GRB2: variants seen among roughly 807,000 people sequenced by gnomAD.
GRB2 encodes the protein growth factor receptor-bound protein 2.
A neutral mutation model predicts 27.4 loss-of-function variants in GRB2; 2 were observed. The ratio of observed to expected loss-of-function variants is 0.07; its 90% CI spans 0.03 to 0.23. The LOEUF (loss-of-function observed/expected upper bound fraction) is 0.23. GRB2 is among the 10% of genes least tolerant of loss of function. The probability of loss-of-function intolerance (pLI) is 1.00; values close to 1 mark genes in which losing one functional copy is unlikely to be tolerated. For synonymous variants in GRB2, 94 were observed against 99.6 expected, an observed-to-expected ratio of 0.94 and a Z score of 0.33; for missense variants, 102 against 282.4, an observed-to-expected ratio of 0.36 and a Z score of 4.58.
intron 2 of GRB2, among the ~76,000 whole-genome samples, chr17:75,348,867 G>A (rs1312924461): frequency 1.3e-5 from 2 of 152,086 alleles, no homozygotes; most frequent in East Asian, 1.9e-4. Context: ...GTAGAGATGC[G>A]GTTTTCCCAT....
intron 2 of GRB2, chr17:75,338,901 G>C (rs1173801038): frequency 3.5e-6 from 3 of 867,934 alleles, no homozygotes; most frequent in Non-Finnish European, 5.9e-6. Context: ...AAGTGACACA[G>C]TACAAGAAGG....
intron 1 of GRB2, among the ~76,000 whole-genome samples, chr17:75,397,457 C>G (rs910731576): frequency 1.3e-5 from 2 of 152,176 alleles, no homozygotes; most frequent in African/African-American, 4.8e-5. Context: ...AAGGTAAGTA[C>G]AGCTTTAATC....
intron 2 of GRB2, chr17:75,393,330 G>A: frequency 1.7e-6 from 1 of 575,978 alleles, no homozygotes; most frequent in East Asian, 2.9e-5. Flanking sequence ...AGACAAATGA[G>A]GCATTCACAC....
rs61764601 is a variant in GRB2 at position 75,334,008 on chromosome 17, C to G, written c.79-1211G>C. On this transcript the variant is annotated intron_variant, in intron 2 of 5. Coordinates refer to ENST00000316804, the MANE Select transcript of GRB2 (RefSeq NM_002086.5). ...AGGCCATGCATAGGCTAGGCCATGA[C>G]GCTGTAATGTGTAGAGTAATACAGT... 4.7e-3 allele frequency among the ~76,000 whole-genome samples: 719 copies of G among 152,256 alleles called. 8 individuals carry two copies. Among genetic ancestry groups the G allele is most frequent in the African/African-American group, 0.016 (669 of 41,546 alleles).
chr17:75,399,339 C>T (rs558411940), intron 1 of GRB2, among the ~76,000 whole-genome samples: 33 of 151,576 alleles, frequency 2.2e-4, no homozygotes, highest in African/African-American at 7.5e-4. Flanking sequence ...CAGGGGTGAG[C>T]CACCACACCT....
At chr17:75,401,228 G>A (rs1161683101) in intron 1 of GRB2, among the ~76,000 whole-genome samples, 1 of 151,768 alleles carries the variant, frequency 6.6e-6, no homozygotes, top group Non-Finnish European at 1.5e-5. Flanking sequence ...GGTGGATCAC[G>A]AGGTCAGGAG....
At chr17:75,354,996 C>T (rs1021994587) in intron 2 of GRB2, among the ~76,000 whole-genome samples, 3 of 152,064 alleles carry the variant, frequency 2.0e-5, no homozygotes, top group South Asian at 2.1e-4. Flanking sequence ...TTAGTAGAGA[C>T]GGGGTTTCAC....
At chr17:75,333,947 G>A (rs551378849) in intron 2 of GRB2, among the ~76,000 whole-genome samples, 13 of 152,180 alleles carry the variant, frequency 8.5e-5, no homozygotes, top group African/African-American at 2.4e-4. Context: ...TCCAATGACC[G>A]TTCTCTCCAA....
In GRB2 at chr17:75,321,319, G is replaced by A. The variant is rs61757941; in HGVS notation, c.468+340C>T. The stretch of plus-strand genomic sequence containing the variant: ...AGCTTCCCGAGTAGCTGGGACTGCA[G>A]GTGTGCGCCACCACATCCAGCTAAT... On this transcript the variant is annotated intron_variant, in intron 5 of 5. Coordinates refer to ENST00000316804, the MANE Select transcript of GRB2 (RefSeq NM_002086.5). Among the ~76,000 whole-genome samples the A allele has an allele frequency of 2.8e-3, 433 of 151,970 alleles. 7 individuals carry two copies. Among genetic ancestry groups the A allele is most frequent in the African/African-American group, 0.01 (425 of 41,418 alleles).
At chr17:75,360,529 A>T (rs2078773019) in intron 2 of GRB2, among the ~76,000 whole-genome samples, 1 of 152,212 alleles carries the variant, frequency 6.6e-6, no homozygotes, top group Non-Finnish European at 1.5e-5. Context: ...TCCCCTACTG[A>T]TTCAACTGAG....
chr17:75,388,034 T>C (rs2078975768), intron 2 of GRB2, among the ~76,000 whole-genome samples: 1 of 152,142 alleles, frequency 6.6e-6, no homozygotes. Flanking sequence ...AAAATGAATA[T>C]AATAAAAAGC....
At chr17:75,384,878 T>C (rs2078952333) in intron 2 of GRB2, among the ~76,000 whole-genome samples, 2 of 150,936 alleles carry the variant, frequency 1.3e-5, no homozygotes, top group Non-Finnish European at 1.5e-5. Context: ...TCTCTCTAGT[T>C]TGACCTCATT....
intron 2 of GRB2, among the ~76,000 whole-genome samples, chr17:75,344,172 G>A (rs1297397639): frequency 6.6e-6 from 1 of 152,140 alleles, no homozygotes; most frequent in African/African-American, 2.4e-5. Flanking sequence ...CCTAGATGAA[G>A]TGTGAACTTG....
intron 2 of GRB2, among the ~76,000 whole-genome samples, chr17:75,336,479 T>C (rs894702639): frequency 6.6e-6 from 1 of 152,130 alleles, no homozygotes; most frequent in Non-Finnish European, 1.5e-5. Context: ...ACCAATAACT[T>C]TGCAGAAAAA....
rs142249112 is a variant in GRB2, at chr17:75,340,236, A to C, written c.79-7439T>G. The stretch of plus-strand genomic sequence containing the variant: ...AATCTGTGAAGCAATTTGTGTGAGA[A>C]CATTTGTGCATGAATGATAGGAAGA... On this transcript the variant is annotated intron_variant, in intron 2 of 5. Transcript: ENST00000316804. Among the ~76,000 whole-genome samples the C allele has an allele frequency of 1.1e-3, 163 of 152,350 alleles. 1 individual carries two copies. Among genetic ancestry groups the C allele is most frequent in the African/African-American group, 3.8e-3 (157 of 41,580 alleles).
rs752444791 is a variant in GRB2 at position 75,393,657 on chromosome 17, T to C, written c.-29A>G. On this transcript the variant is annotated 5_prime_UTR_variant, in exon 2 of 6. Transcript: ENST00000316804. ...GAGCGCTGCTCAGTGCTCAGCAGCCTGAAGCAGGGGGAAGGGAGTCTTCCC... is the reference window on the plus strand; with the variant it reads ...GAGCGCTGCTCAGTGCTCAGCAGCCCGAAGCAGGGGGAAGGGAGTCTTCCC... The C allele has an allele frequency of 7.6e-6, 12 of 1,588,472 alleles. No homozygotes were observed. The highest frequency in any genetic ancestry group is 1.0e-5 in the Non-Finnish European group (12 of 1,156,800).
intron 2 of GRB2, among the ~76,000 whole-genome samples, chr17:75,346,517 A>T (rs1447276736): frequency 6.6e-6 from 1 of 151,214 alleles, no homozygotes; most frequent in Non-Finnish European, 1.5e-5. Context: ...GACAGGTATC[A>T]ATCTTATGCT....
At position 75,320,045 on chromosome 17, in the gene GRB2, G is replaced by T. The variant is rs1598213968; in HGVS notation, c.*323C>A. 1 of 224,566 alleles carries T rather than the reference G, an allele frequency of 4.5e-6. No homozygotes were observed. Among genetic ancestry groups the T allele is most frequent in the East Asian group, 9.4e-5 (1 of 10,634 alleles). The allele number at this position is 224,566 out of a possible 1,614,324, so 13.9% of individuals were successfully genotyped here. A position where few individuals can be genotyped will look rare whatever the true frequency, so the allele number is the denominator to read the frequency against. On this transcript the variant is annotated 3_prime_UTR_variant, in exon 6 of 6. Coordinates refer to ENST00000316804, the MANE Select transcript of GRB2 (RefSeq NM_002086.5). The surrounding 1 kb of genome is among the most constrained non-coding windows in gnomAD (Gnocchi z 4.3). ...TGTTTTTTATTATTGGCGTCAGCTA[G>T]GACTATACGTGGCCTTAAACGTCAT...
Position 75,324,507 on chromosome 17 carries a change from G to GTTTTTTTTTTT in GRB2, c.299+1380_299+1390dup, listed in dbSNP as rs767194304. Among the ~76,000 whole-genome samples the GTTTTTTTTTTT allele has an allele frequency of 3.0e-3, 111 of 36,664 alleles. 8 individuals are homozygous for GTTTTTTTTTTT. Among genetic ancestry groups the GTTTTTTTTTTT allele is most frequent in the East Asian group, 0.021 (8 of 378 alleles). The allele number at this position is 36,664 out of a possible 152,430, so 24.1% of individuals were successfully genotyped here. A position where few individuals can be genotyped will look rare whatever the true frequency, so the allele number is the denominator to read the frequency against. On this transcript the variant is annotated intron_variant, in intron 4 of 5. Transcript: ENST00000316804. ...TTACAGGTGTGAGCCACCGCACCCA[G>GTTTTTTTTTTT]TTTTTTTTTTTTTTTTTTTTTTTTT...
Sources: gnomAD v4.1 joint callset for allele counts (sites outside exome capture counted in the v4.1 genomes callset) on GRCh38, gnomAD v4.1.1 for gene constraint, Gnocchi (gnomAD v3.1) non-coding constraint, MANE v1.5 for transcripts, NCBI Gene and HGNC (gene_info 2026-07-23, HGNC 2026-07-21) for gene names.